INPP4B: variants seen among roughly 807,000 people sequenced by gnomAD.
INPP4B encodes inositol polyphosphate-4-phosphatase type II B.
INPP4B carries 55 observed loss-of-function variants against 122.5 expected under a neutral mutation model. The ratio of observed to expected loss-of-function variants is 0.45; its 90% CI spans 0.36 to 0.56. INPP4B has a LOEUF of 0.56. Among genes scored for constraint, INPP4B ranks in the 20% least tolerant of loss-of-function variants. The probability of loss-of-function intolerance (pLI) is 0.00; values close to 1 mark genes in which losing one functional copy is unlikely to be tolerated. For synonymous variants in INPP4B, 403 were observed against 388.7 expected, an observed-to-expected ratio of 1.04 and a Z score of -0.43; for missense variants, 1,000 against 1,097.7, an observed-to-expected ratio of 0.91 and a Z score of 1.26.
intron 12 of INPP4B, among the ~76,000 whole-genome samples, chr4:142,227,856 TAAAAAAAAAA>T (rs60375355): frequency 3.2e-4 from 11 of 34,230 alleles, no homozygotes; most frequent in African/African-American, 1.2e-3. Context: ...AGACTCTATC[TAAAAAAAAAA>T]AAAAAAAAAA....
chr4:142,601,279 C>A lies in INPP4B; in HGVS notation c.-191+124560G>T, dbSNP rs116610630. 6.5e-3 allele frequency among the ~76,000 whole-genome samples: 995 copies of A among 152,192 alleles called. 12 individuals are homozygous for A. The highest frequency in any genetic ancestry group is 0.022 in the African/African-American group (927 of 41,546). On this transcript the variant is annotated intron_variant, in intron 2 of 25. Coordinates refer to ENST00000262992, the MANE Select transcript of INPP4B (RefSeq NM_001101669.3). ...CATTCTTATAAGCACATGGAACATTCTCCAGGATAGACTATATGTTAGGCC... is the reference window on the plus strand; with the variant it reads ...CATTCTTATAAGCACATGGAACATTATCCAGGATAGACTATATGTTAGGCC...
intron 1 of INPP4B, among the ~76,000 whole-genome samples, chr4:142,819,017 G>A (rs1435267748): frequency 6.6e-6 from 1 of 152,092 alleles, no homozygotes; most frequent in South Asian, 2.1e-4. Context: ...GGCTCAAGAC[G>A]AATCTTTGTT....
intron 2 of INPP4B, among the ~76,000 whole-genome samples, chr4:142,559,071 C>G (rs1251523955): frequency 6.6e-6 from 1 of 152,100 alleles, no homozygotes; most frequent in Non-Finnish European, 1.5e-5. Context: ...ATGTCTGGTG[C>G]ACAATGATTT....
chr4:142,487,210 T>C (rs1821306758), intron 2 of INPP4B, among the ~76,000 whole-genome samples: 1 of 152,114 alleles, frequency 6.6e-6, no homozygotes, highest in Admixed American at 6.6e-5. Flanking sequence ...CTTTCTAACA[T>C]GATTGTGAAG....
chr4:142,209,792 CAAA>C (rs375306534), intron 12 of INPP4B, among the ~76,000 whole-genome samples: 4 of 39,548 alleles, frequency 1.0e-4, no homozygotes, highest in African/African-American at 3.9e-4. Flanking sequence ...GACCCCGTCT[CAAA>C]AAAAAAAAAA....
intron 15 of INPP4B, among the ~76,000 whole-genome samples, chr4:142,186,246 T>C (rs1453363631): frequency 6.6e-6 from 1 of 152,200 alleles, no homozygotes; most frequent in East Asian, 1.9e-4. Context: ...GGCACAGTTA[T>C]AAATGCTTAG....
chr4:142,562,939 A>C (rs1271596403), intron 2 of INPP4B, among the ~76,000 whole-genome samples: 1 of 152,186 alleles, frequency 6.6e-6, no homozygotes, highest in Non-Finnish European at 1.5e-5. Flanking sequence ...ACAAAGGTAC[A>C]GACGTCAATA....
At chr4:142,227,622 AG>A (rs2149793038) in intron 12 of INPP4B, among the ~76,000 whole-genome samples, 1 of 152,128 alleles carries the variant, frequency 6.6e-6, no homozygotes, top group East Asian at 1.9e-4. Context: ...GCACTTTGGG[AG>A]GTCAAGGCAG....
At chr4:142,256,957 T>C (rs1407309515) in intron 11 of INPP4B, among the ~76,000 whole-genome samples, 1 of 152,156 alleles carries the variant, frequency 6.6e-6, no homozygotes, top group Non-Finnish European at 1.5e-5. Context: ...AAATCCTCAA[T>C]GAAATACTGA....
At chr4:142,029,663 A>AAAAC in intron 25 of INPP4B, 1 of 985,714 alleles carries the variant, frequency 1.0e-6, no homozygotes, top group Non-Finnish European at 1.2e-6. Flanking sequence ...GCAAAGAAGT[A>AAAAC]AAACAGGTTA....
intron 11 of INPP4B, among the ~76,000 whole-genome samples, chr4:142,247,604 G>A (rs1470968125): frequency 6.6e-6 from 1 of 152,074 alleles, no homozygotes; most frequent in African/African-American, 2.4e-5. Flanking sequence ...ATTCTCTGAT[G>A]GTAGTTTGTA....
chr4:142,096,919 C>T (rs970528399), intron 23 of INPP4B, among the ~76,000 whole-genome samples: 4 of 152,046 alleles, frequency 2.6e-5, no homozygotes, highest in Non-Finnish European at 1.5e-5. Flanking sequence ...CTCTCTTCTC[C>T]TGCCAAAGGG....
At chr4:142,686,621 GA>G (rs1452629439) in intron 2 of INPP4B, among the ~76,000 whole-genome samples, 3 of 152,044 alleles carry the variant, frequency 2.0e-5, no homozygotes. Context: ...TAATCATTCT[GA>G]ACTTGAACAT....
chr4:142,516,961 C>G (rs1449195005), intron 2 of INPP4B, among the ~76,000 whole-genome samples: 3 of 151,978 alleles, frequency 2.0e-5, no homozygotes, highest in African/African-American at 7.3e-5. Flanking sequence ...ATTATTTTCC[C>G]TAAACTCTAA....
At chr4:142,296,657 T>C (rs1452931906) in intron 9 of INPP4B, among the ~76,000 whole-genome samples, 1 of 152,234 alleles carries the variant, frequency 6.6e-6, no homozygotes, top group Non-Finnish European at 1.5e-5. Flanking sequence ...TAAGATAACT[T>C]AGTCTCAGAA....
Position 142,302,635 on chromosome 4 carries a change from G to C in INPP4B, c.503+2823C>G, listed in dbSNP as rs191848749. On this transcript the variant is annotated intron_variant, in intron 9 of 25. Transcript: ENST00000262992. ...ATAATTATCAGAGCACAAAGCACATGGTTGGTTATTGTCATCCTTATTATC... is the reference window on the plus strand; with the variant it reads ...ATAATTATCAGAGCACAAAGCACATCGTTGGTTATTGTCATCCTTATTATC... Among the ~76,000 whole-genome samples the C allele has an allele frequency of 5.9e-5, 9 of 152,118 alleles. No individual in the cohort carries two copies. The South Asian group carries it at 1.7e-3, about 28-fold the overall frequency.
At chr4:142,510,089 T>G (rs1157514802) in intron 2 of INPP4B, among the ~76,000 whole-genome samples, 2 of 152,236 alleles carry the variant, frequency 1.3e-5, no homozygotes, top group Non-Finnish European at 2.9e-5. Context: ...GTAGACATGC[T>G]GAGTCACTTT....
chr4:142,553,310 A>C (rs1052413657), intron 2 of INPP4B, among the ~76,000 whole-genome samples: 7 of 152,318 alleles, frequency 4.6e-5, no homozygotes, highest in Non-Finnish European at 1.0e-4. Flanking sequence ...ACCTAGACTT[A>C]TGTATCCAAC....
intron 9 of INPP4B, among the ~76,000 whole-genome samples, chr4:142,298,362 G>A (rs980618411): frequency 6.6e-6 from 1 of 152,020 alleles, no homozygotes; most frequent in African/African-American, 2.4e-5. Flanking sequence ...AAGCTGAAGG[G>A]CCAGGTTTGA....
Sources: gnomAD v4.1 joint callset for allele counts (sites outside exome capture counted in the v4.1 genomes callset) on GRCh38, gnomAD v4.1.1 for gene constraint, MANE v1.5 for transcripts, NCBI Gene and HGNC (gene_info 2026-07-23, HGNC 2026-07-21) for gene names.